SLC16A1: variants seen among roughly 807,000 people sequenced by gnomAD.
SLC16A1 encodes solute carrier family 16 member 1, also known as monocarboxylate transporter 1.
In SLC16A1, 11 loss-of-function variants were observed where a neutral mutation model predicts 32.2. The ratio of observed to expected loss-of-function variants is 0.34; its 90% CI spans 0.21 to 0.56. SLC16A1 has a LOEUF of 0.56. SLC16A1 is among the 20% of genes least tolerant of loss of function. The pLI, the probability that SLC16A1 is intolerant of heterozygous loss-of-function variation, is 0.87. For missense variants in SLC16A1, 435 were observed against 615.0 expected, an observed-to-expected ratio of 0.71 and a Z score of 3.10; for synonymous variants, 231 against 226.8, an observed-to-expected ratio of 1.02 and a Z score of -0.17.
At chr1:112,914,860 T>C (rs1648447564) in intron 4 of SLC16A1, among the ~76,000 whole-genome samples, 1 of 152,360 alleles carries the variant, frequency 6.6e-6, no homozygotes, top group East Asian at 1.9e-4. Flanking sequence ...ATAAATGGCA[T>C]ATTATTTTCT....
chr1:112,939,470 T>G (rs984926670), intron 1 of SLC16A1, among the ~76,000 whole-genome samples: 1 of 152,186 alleles, frequency 6.6e-6, no homozygotes, highest in Non-Finnish European at 1.5e-5. Context: ...AGCCAAGATA[T>G]GGAAGCAACC....
At position 112,928,168 on chromosome 1, in the gene SLC16A1, T is replaced by C. The variant is rs76487098; in HGVS notation, c.217+924A>G. On this transcript the variant is annotated intron_variant, in intron 2 of 4. Coordinates refer to ENST00000369626, the MANE Select transcript of SLC16A1 (RefSeq NM_003051.4). ...GAAACATAAGTCTTCCTAATCCTGT[T>C]CCCAGTCACCCAGTTTCTCTTTCTC... is the stretch of plus-strand genomic sequence containing the variant. Among the ~76,000 whole-genome samples the C allele has an allele frequency of 2.5e-3, 374 of 152,320 alleles. 3 individuals carry two copies. The East Asian group carries it at 0.03, about 12-fold the overall frequency.
intron 1 of SLC16A1, among the ~76,000 whole-genome samples, chr1:112,953,594 C>G (rs1649976326): frequency 6.6e-6 from 1 of 152,184 alleles, no homozygotes; most frequent in Non-Finnish European, 1.5e-5. Flanking sequence ...ACAAGGCCCT[C>G]CATTTTCTCA....
chr1:112,923,486 C>T (rs1017891917), intron 2 of SLC16A1: 24 of 868,048 alleles, frequency 2.8e-5, no homozygotes, highest in Non-Finnish European at 4.3e-5. Context: ...CCCGCGCCTT[C>T]CTGGAGCACG....
At chr1:112,916,830 G>A (rs891450217) in intron 4 of SLC16A1, among the ~76,000 whole-genome samples, 3 of 152,116 alleles carry the variant, frequency 2.0e-5, no homozygotes, top group African/African-American at 7.2e-5. Flanking sequence ...CCGGGAGGCT[G>A]AGGCAGGGGA....
At chr1:112,928,942 G>A in intron 2 of SLC16A1, 150 bp downstream of exon 2, 1 of 648,068 alleles carries the variant, frequency 1.5e-6, no homozygotes. Flanking sequence ...TATCAGGAAT[G>A]AAAAATGTGA....
chr1:112,948,979 C>T (rs1649797974), intron 1 of SLC16A1, among the ~76,000 whole-genome samples: 1 of 152,106 alleles, frequency 6.6e-6, no homozygotes, highest in Non-Finnish European at 1.5e-5. Flanking sequence ...TACAGGCGCC[C>T]ACCACCATGC....
At chr1:112,918,815 AC>A in intron 3 of SLC16A1, among the ~76,000 whole-genome samples, 3 of 152,150 alleles carry the variant, frequency 2.0e-5, no homozygotes, top group Admixed American at 2.0e-4. Context: ...AAACCCAAAA[AC>A]GAAAGAAATA....
At position 112,948,017 on chromosome 1, in the gene SLC16A1, G is replaced by A. The variant is rs796103213; in HGVS notation, c.-45+8018C>T. Among the ~76,000 whole-genome samples the A allele has an allele frequency of 5.3e-5, 8 of 152,126 alleles. No individual in the cohort carries two copies. In the South Asian group the frequency reaches 6.2e-4, roughly 12 times the overall value. ...GCGGATCACCTGAGGTCAGGAGTTCGAGAACAGCTTGGCCAACATGGTGAA... is the reference window on the plus strand; with the variant it reads ...GCGGATCACCTGAGGTCAGGAGTTCAAGAACAGCTTGGCCAACATGGTGAA... On this transcript the variant is annotated intron_variant, in intron 1 of 4. Transcript: ENST00000369626.
At chr1:112,947,583 GACA>G (rs1649747642) in intron 1 of SLC16A1, among the ~76,000 whole-genome samples, 1 of 152,142 alleles carries the variant, frequency 6.6e-6, no homozygotes, top group Non-Finnish European at 1.5e-5. Flanking sequence ...GAGGACTAGA[GACA>G]ACAAAGTAAT....
intron 1 of SLC16A1, among the ~76,000 whole-genome samples, chr1:112,936,682 G>C (rs912897233): frequency 1.3e-5 from 2 of 152,082 alleles, no homozygotes; most frequent in African/African-American, 4.8e-5. Context: ...TAAGAAATGG[G>C]ATGAATAAGA....
chr1:112,925,917 A>G (rs989160395), intron 2 of SLC16A1, among the ~76,000 whole-genome samples: 19 of 146,228 alleles, frequency 1.3e-4, no homozygotes, highest in Non-Finnish European at 4.7e-5. Flanking sequence ...GTTGCGGTAC[A>G]GTATACTAAC....
rs1648576770 is a variant in SLC16A1, at chr1:112,917,987, T to A, written c.419A>T (p.Tyr140Phe). 1 of 1,593,962 alleles carries A rather than the reference T, an allele frequency of 6.3e-7. No homozygotes were observed. The highest frequency in any genetic ancestry group is 8.5e-7 in the Non-Finnish European group (1 of 1,175,384). Residue 140 changes from tyrosine (Y) to phenylalanine (F), a missense_variant, in exon 4 of 5, where the codon TAC (tyrosine) becomes TTC (phenylalanine). Transcript: ENST00000369626. This position sits in a 1 kb window ranked among gnomAD's most constrained non-coding sequence, Gnocchi z 4.1. ...TCCGTTGGCCAATGGTCGCCTCTTG[T>A]AGAAATACTTGCCAATCATGGTCAG... ...PALTMIGKYF[Y>F]KRRPLANGLA...
chr1:112,922,326 G>T, intron 2 of SLC16A1, 193 bp from the exon 3 acceptor site: 2 of 611,548 alleles, frequency 3.3e-6, no homozygotes, highest in Non-Finnish European at 2.8e-6. Context: ...AATTGTGCAG[G>T]TTCTAAATCT....
chr1:112,945,918 G>C (rs573019612), intron 1 of SLC16A1, among the ~76,000 whole-genome samples: 1 of 152,114 alleles, frequency 6.6e-6, no homozygotes, highest in Admixed American at 6.5e-5. Flanking sequence ...CGTGAACCCA[G>C]AGGCGGAGAT....
chr1:112,923,515 C>T lies in SLC16A1; in HGVS notation c.218-1382G>A, dbSNP rs748925903. ...GAGCACGGCCACACCAAGATAGACA[C>T]GGCCTTCGTGTACAGCGACAGCCAG... is the stretch of plus-strand genomic sequence containing the variant. On this transcript the variant is annotated intron_variant, in intron 2 of 4. Coordinates refer to ENST00000369626, the MANE Select transcript of SLC16A1 (RefSeq NM_003051.4). 3.7e-5 allele frequency: 37 copies of T among 1,005,888 alleles called. 1 individual carries two copies. The highest frequency in any genetic ancestry group is 2.7e-4 in the South Asian group (21 of 78,738). 62.3% of individuals were successfully genotyped at this position (1,005,888 alleles called of 1,614,324 possible). A position where few individuals can be genotyped will look rare whatever the true frequency, so the allele number is the denominator to read the frequency against.
intron 3 of SLC16A1, among the ~76,000 whole-genome samples, chr1:112,920,558 A>G (rs1648686409): frequency 6.6e-6 from 1 of 152,196 alleles, no homozygotes; most frequent in Non-Finnish European, 1.5e-5. Flanking sequence ...GTGAGCCGAG[A>G]TCATGCCATA....
intron 2 of SLC16A1, among the ~76,000 whole-genome samples, chr1:112,928,810 T>A (rs1309468161): frequency 1.3e-5 from 2 of 152,140 alleles, no homozygotes; most frequent in African/African-American, 4.8e-5. Flanking sequence ...TGTGAATACA[T>A]CATTTTTATA....
Position 112,939,442 on chromosome 1 carries a change from T to C in SLC16A1, c.-44-10090A>G, listed in dbSNP as rs180771230. Among the ~76,000 whole-genome samples the C allele has an allele frequency of 7.8e-4, 119 of 152,372 alleles. 1 individual carries two copies. The highest frequency in any genetic ancestry group is 1.4e-3 in the Non-Finnish European group (92 of 68,036). ...ATTACCTGCACACTCCCATGTTCTC[T>C]GCAGCATTTTTCACAATAGCCAAGA... On this transcript the variant is annotated intron_variant, in intron 1 of 4. Coordinates refer to ENST00000369626, the MANE Select transcript of SLC16A1 (RefSeq NM_003051.4).
Sources: gnomAD v4.1 joint callset for allele counts (sites outside exome capture counted in the v4.1 genomes callset) on GRCh38, gnomAD v4.1.1 for gene constraint, Gnocchi (gnomAD v3.1) non-coding constraint, MANE v1.5 for transcripts, NCBI Gene and HGNC (gene_info 2026-07-23, HGNC 2026-07-21) for gene names.